KDM7A: variants seen among roughly 807,000 people sequenced by gnomAD.
KDM7A encodes the protein lysine-specific demethylase 7A.
In KDM7A, 28 loss-of-function variants were observed where a neutral mutation model predicts 114.8. The observed-to-expected ratio is 0.24, with a 90% CI of 0.18 to 0.33. The LOEUF (loss-of-function observed/expected upper bound fraction) is 0.33, where lower values mean the gene tolerates loss of function less well. Ranked by LOEUF, KDM7A falls within the 10% of genes least tolerant of loss-of-function variation. KDM7A has a pLI of 1.00. For missense variants in KDM7A, 942 were observed against 1,142.5 expected (o/e 0.82, Z 2.53); for synonymous variants, 423 against 397.8 (o/e 1.06, Z -0.75).
At chr7:140,094,508 G>GA (rs1386798251) in intron 17 of KDM7A, among the ~76,000 whole-genome samples, 403 of 147,342 alleles carry the variant, frequency 2.7e-3, no homozygotes, top group African/African-American at 7.9e-3. Context: ...CCATCTTGGG[G>GA]GAAAAAAAAA....
intron 1 of KDM7A, among the ~76,000 whole-genome samples, chr7:140,174,025 G>A (rs1185446259): frequency 6.6e-6 from 1 of 152,054 alleles, no homozygotes; most frequent in Middle Eastern, 3.4e-3. Flanking sequence ...TTAGCCAGGC[G>A]TGGTGACGGG....
intron 14 of KDM7A, 138 bp downstream of exon 14, chr7:140,098,741 A>T (rs550734058): frequency 2.8e-6 from 2 of 711,676 alleles, no homozygotes; most frequent in East Asian, 5.4e-5. Context: ...CTCATACTTC[A>T]GATTTTTCAA....
chr7:140,096,357 C>T lies in KDM7A; in HGVS notation c.2374+198G>A, dbSNP rs573706340. 3.3e-5 allele frequency among the ~76,000 whole-genome samples: 5 copies of T among 152,230 alleles called. No individual in the cohort carries two copies. In the South Asian group the frequency reaches 1.0e-3, roughly 32 times the overall value. On this transcript the variant is annotated intron_variant, in intron 17 of 19. Coordinates refer to ENST00000397560, the MANE Select transcript of KDM7A (RefSeq NM_030647.2). ...ATGCTAGTGAACACAATTGTCAATC[C>T]CAGGTAATTTACATTTTGAGTTCTT...
rs943204916 is a variant in KDM7A at position 140,164,653 on chromosome 7, G to C, written c.194+12091C>G. ...AGAAATTTGGACAGTAGATATTAATGTTATTAAGAAACTGTTAACTATTTT... is the reference window on the plus strand; with the variant it reads ...AGAAATTTGGACAGTAGATATTAATCTTATTAAGAAACTGTTAACTATTTT... On this transcript the variant is annotated intron_variant, in intron 1 of 19. Coordinates refer to ENST00000397560, the MANE Select transcript of KDM7A (RefSeq NM_030647.2). 3.9e-5 allele frequency among the ~76,000 whole-genome samples: 6 copies of C among 152,162 alleles called. 2 individuals are homozygous for C. Among genetic ancestry groups the C allele is most frequent in the Admixed American group, 3.3e-4 (5 of 15,272 alleles).
At position 140,103,081 on chromosome 7, in the gene KDM7A, C is replaced by G. The variant is rs183127153; in HGVS notation, c.1429-921G>C. Among the ~76,000 whole-genome samples, 432 of 152,158 alleles carry G rather than the reference C, an allele frequency of 2.8e-3. 6 individuals are homozygous for G. Among genetic ancestry groups the G allele is most frequent in the African/African-American group, 9.8e-3 (408 of 41,442 alleles). ...TCCATCTCGAGAAGCTTCTCATCTG[C>G]ACAAACTGAAACCTGAAACTGTACC... is the stretch of plus-strand genomic sequence containing the variant. On this transcript the variant is annotated intron_variant, in intron 11 of 19. Transcript: ENST00000397560.
rs1454802589 is a variant in KDM7A, at chr7:140,092,007, C to G, written c.2528G>C (p.Arg843Thr). 4 of 1,613,974 alleles carry G rather than the reference C, an allele frequency of 2.5e-6. No homozygotes were observed. Among genetic ancestry groups the G allele is most frequent in the Non-Finnish European group, 3.4e-6 (4 of 1,180,002 alleles). Residue 843 changes from arginine to threonine, a missense_variant, in exon 19 of 20, where the codon AGG (arginine) becomes ACG (threonine). Physicochemically the swap from Arg to Thr is moderately conservative, Grantham distance 71. This residue lies in a region of KDM7A where 512 missense variants were observed against 576.6 expected (regional missense o/e 0.89). Transcript: ENST00000397560. ...TGAGCCGCTGCTGTCCACATAATTC[C>G]TACTTTGTACCCTCTGACTAATTTC... ...SSEISQRVQS[R>T]NYVDSSGSSL...
intron 1 of KDM7A, among the ~76,000 whole-genome samples, chr7:140,164,521 T>C (rs764780148): frequency 4.4e-4 from 67 of 152,188 alleles, no homozygotes; most frequent in Non-Finnish European, 8.8e-4. Flanking sequence ...ACCACTGCTA[T>C]GTATTAAGAA....
chr7:140,167,062 A>G (rs920578507), intron 1 of KDM7A, among the ~76,000 whole-genome samples: 13 of 152,328 alleles, frequency 8.5e-5, no homozygotes, highest in Admixed American at 8.5e-4. Context: ...TAAAATCTAT[A>G]CAAAGAAAAA....
At chr7:140,095,306 A>T (rs2116738424) in intron 17 of KDM7A, among the ~76,000 whole-genome samples, 1 of 152,366 alleles carries the variant, frequency 6.6e-6, no homozygotes, top group East Asian at 1.9e-4. Context: ...GACTAAAGGA[A>T]GACAAAATGG....
chr7:140,113,626 G>A (rs1354135736), intron 9 of KDM7A, 44 bp from the exon 10 acceptor site: 5 of 1,061,928 alleles, frequency 4.7e-6, no homozygotes, highest in Non-Finnish European at 5.7e-6. Context: ...TAGTTAAAAT[G>A]TTCTAAAGTT....
At chr7:140,152,891 C>T (rs1384051297) in intron 1 of KDM7A, among the ~76,000 whole-genome samples, 3 of 151,932 alleles carry the variant, frequency 2.0e-5, no homozygotes, top group East Asian at 2.0e-4. Context: ...GACGGGGTCT[C>T]GCTCTGTCAC....
intron 11 of KDM7A, among the ~76,000 whole-genome samples, chr7:140,106,002 C>T (rs980069350): frequency 5.9e-5 from 9 of 152,056 alleles, no homozygotes; most frequent in Non-Finnish European, 1.0e-4. Context: ...TCAACTTCTT[C>T]CTGGTTTAGT....
chr7:140,176,975 TC>T lies in KDM7A; in HGVS notation c.-39del. 1.8e-6 allele frequency: 2 copies of T among 1,091,688 alleles called. No homozygotes were observed. The highest frequency in any genetic ancestry group is 2.2e-6 in the Non-Finnish European group (2 of 898,672). The allele number at this position is 1,091,688 out of a possible 1,614,324, so 67.6% of individuals were successfully genotyped here. On this transcript the variant is annotated 5_prime_UTR_variant, in exon 1 of 20. Transcript: ENST00000397560. This position sits in a 1 kb window ranked among gnomAD's most constrained non-coding sequence, Gnocchi z 4.4. ...CACACACGCTCGCTCGCTACTCCGC[TC>T]GCCGACTGGAGCGAGCGCAGCCGCC...
At chr7:140,159,279 G>A (rs2116846383) in intron 1 of KDM7A, among the ~76,000 whole-genome samples, 1 of 152,266 alleles carries the variant, frequency 6.6e-6, no homozygotes. Flanking sequence ...CCCGGGAGGT[G>A]GAGATTGCAG....
chr7:140,120,664 TA>T (rs1437287753), intron 7 of KDM7A, 135 bp from the exon 8 acceptor site: 19 of 562,610 alleles, frequency 3.4e-5, no homozygotes, highest in Non-Finnish European at 5.7e-5. Context: ...AGTTAATGTT[TA>T]TTACAATCTA....
chr7:140,099,110 A>C, intron 13 of KDM7A, 77 bp from the exon 14 acceptor site: 1 of 1,098,234 alleles, frequency 9.1e-7, no homozygotes, highest in East Asian at 2.4e-5. Context: ...CCTCTCCCTT[A>C]ATTTACAAAG....
chr7:140,165,607 C>T (rs958389889), intron 1 of KDM7A, among the ~76,000 whole-genome samples: 2 of 152,286 alleles, frequency 1.3e-5, no homozygotes, highest in South Asian at 4.1e-4. Flanking sequence ...CTTGCACCAT[C>T]CCATCTAGGA....
intron 7 of KDM7A, among the ~76,000 whole-genome samples, chr7:140,122,140 C>T (rs1473190525): frequency 2.0e-5 from 3 of 152,220 alleles, no homozygotes; most frequent in African/African-American, 4.8e-5. Flanking sequence ...TACACCAGTG[C>T]TACTGATAGA....
In KDM7A at chr7:140,139,145, A is replaced by G. The variant is rs1191823433; in HGVS notation, c.240T>C (p.Tyr80=). The change falls in exon 2 of 20, where the codon TAT becomes TAC. Residue 80 remains tyrosine (Y), a synonymous_variant. Coordinates refer to ENST00000397560, the MANE Select transcript of KDM7A (RefSeq NM_030647.2). ...GTAAAACTGCACAGTTGGGACAGTG[A>G]TACAGGTCAATGTCAACAGCATGAT... ...EEHHAVDIDL[Y]HCPNCAVLHG... is the part of the protein sequence containing the mutation. 7 of 1,613,508 alleles carry G rather than the reference A, an allele frequency of 4.3e-6. No individual in the cohort carries two copies. In the African/African-American group the frequency reaches 8.0e-5, roughly 18 times the overall value.
Sources: gnomAD v4.1 joint callset for allele counts (sites outside exome capture counted in the v4.1 genomes callset) on GRCh38, gnomAD v4.1.1 for gene constraint, gnomAD v4.1.1 regional missense constraint, Gnocchi (gnomAD v3.1) non-coding constraint, MANE v1.5 for transcripts, NCBI Gene and HGNC (gene_info 2026-07-23, HGNC 2026-07-21) for gene names.